Variants in SLC35F3 observed in about 807,000 individuals in gnomAD.
The protein encoded by SLC35F3 is putative thiamine transporter SLC35F3.
SLC35F3 carries 25 observed loss-of-function variants against 49.9 expected under a neutral mutation model. The ratio of observed to expected loss-of-function variants is 0.50; its 90% confidence interval spans 0.37 to 0.70. The LOEUF is 0.70. Among genes scored for constraint, SLC35F3 ranks in the 30% least tolerant of loss-of-function variants. The pLI, the probability that SLC35F3 is intolerant of heterozygous loss-of-function variation, is 0.00. For synonymous variants in SLC35F3, 275 were observed against 265.4 expected (o/e 1.04, Z -0.35); for missense variants, 525 against 639.8 (o/e 0.82, Z 1.94).
rs553368152 is a variant in SLC35F3, at chr1:234,083,674, A to T, written c.284-147743A>T. ...ATAAGCATTGGACTACTTCCTAGAA[A>T]TGTCTCACTCATGTAGATTTTGTTC... On this transcript the variant is annotated intron_variant, in intron 2 of 7. Coordinates refer to ENST00000366618, the MANE Select transcript of SLC35F3 (RefSeq NM_173508.4). Among the ~76,000 whole-genome samples the T allele has an allele frequency of 2.5e-4, 38 of 152,246 alleles. No homozygotes were observed. In the East Asian group the frequency reaches 6.8e-3, roughly 27 times the overall value.
chr1:233,976,185 T>A (rs1663077178), intron 2 of SLC35F3, among the ~76,000 whole-genome samples: 1 of 152,224 alleles, frequency 6.6e-6, no homozygotes, highest in African/African-American at 2.4e-5. Flanking sequence ...GTAGCCTGGC[T>A]CTTTATCATA....
At chr1:234,306,129 A>G (rs761341998) in intron 3 of SLC35F3, among the ~76,000 whole-genome samples, 14 of 152,218 alleles carry the variant, frequency 9.2e-5, no homozygotes, top group Non-Finnish European at 1.6e-4. Context: ...TACATGGGCC[A>G]GCCAGATCCT....
At chr1:234,122,887 G>T (rs1321810827) in intron 2 of SLC35F3, among the ~76,000 whole-genome samples, 1 of 152,164 alleles carries the variant, frequency 6.6e-6, no homozygotes. Context: ...ATTTGGGTTG[G>T]TTCCAAGCCT....
At chr1:234,183,353 A>G (rs1385527934) in intron 2 of SLC35F3, among the ~76,000 whole-genome samples, 1 of 143,388 alleles carries the variant, frequency 7.0e-6, no homozygotes, top group Non-Finnish European at 1.5e-5. Context: ...TTATTTTTAT[A>G]GAATCATCTT....
intron 2 of SLC35F3, among the ~76,000 whole-genome samples, chr1:234,012,522 A>G (rs910470356): frequency 6.6e-6 from 1 of 152,190 alleles, no homozygotes; most frequent in Non-Finnish European, 1.5e-5. Context: ...TCCGCAGTGC[A>G]TTGTGCCCCT....
chr1:234,248,074 G>A (rs557838219), intron 3 of SLC35F3, among the ~76,000 whole-genome samples: 24 of 152,212 alleles, frequency 1.6e-4, no homozygotes, highest in African/African-American at 5.5e-4. Flanking sequence ...TCAGTAGGTT[G>A]GTTGGCTGGT....
At chr1:234,139,433 C>T (rs938135316) in intron 2 of SLC35F3, among the ~76,000 whole-genome samples, 17 of 152,132 alleles carry the variant, frequency 1.1e-4, no homozygotes, top group Non-Finnish European at 1.5e-5. Flanking sequence ...ACACATTATA[C>T]TTTTTAAAAA....
At chr1:233,981,508 T>C (rs1663183312) in intron 2 of SLC35F3, among the ~76,000 whole-genome samples, 2 of 152,206 alleles carry the variant, frequency 1.3e-5, no homozygotes, top group South Asian at 4.1e-4. Flanking sequence ...TTTTTCTTGC[T>C]GAGCGGGATT....
In SLC35F3 at chr1:234,236,444, C is replaced by CA. The variant is rs898629043; in HGVS notation, c.608+4712dup. On this transcript the variant is annotated intron_variant, in intron 3 of 7. Transcript: ENST00000366618. ...AACAGCGTGAGACCCTGTCTCAAAA[C>CA]AAAAAAAAAGAAGTTAGCCAGAAAC... is the stretch of plus-strand genomic sequence containing the variant. Among the ~76,000 whole-genome samples, 70 of 149,450 alleles carry CA rather than the reference C, an allele frequency of 4.7e-4. 1 individual carries two copies. The highest frequency in any genetic ancestry group is 1.4e-3 in the African/African-American group (58 of 40,772).
At chr1:234,283,786 A>G (rs776553174) in intron 3 of SLC35F3, among the ~76,000 whole-genome samples, 3 of 152,254 alleles carry the variant, frequency 2.0e-5, no homozygotes, top group Non-Finnish European at 4.4e-5. Flanking sequence ...AAGACATTAC[A>G]GCATGAGAAT....
chr1:234,037,328 A>G (rs563516863), intron 2 of SLC35F3, among the ~76,000 whole-genome samples: 16 of 152,206 alleles, frequency 1.1e-4, no homozygotes, highest in Non-Finnish European at 2.4e-4. Flanking sequence ...TAATAAAGCA[A>G]AAACTACTCA....
At chr1:233,985,945 T>C (rs1249742102) in intron 2 of SLC35F3, among the ~76,000 whole-genome samples, 1 of 152,208 alleles carries the variant, frequency 6.6e-6, no homozygotes, top group African/African-American at 2.4e-5. Flanking sequence ...AGTTGAAGAT[T>C]GAAGGCTCTG....
At chr1:234,267,120 C>G (rs1347156260) in intron 3 of SLC35F3, among the ~76,000 whole-genome samples, 4 of 140,892 alleles carry the variant, frequency 2.8e-5, no homozygotes, top group African/African-American at 1.1e-4. Context: ...TTTAACAAAG[C>G]ACATCTTGCA....
At chr1:233,960,109 G>C (rs185928204) in intron 2 of SLC35F3, among the ~76,000 whole-genome samples, 7 of 152,228 alleles carry the variant, frequency 4.6e-5, no homozygotes, top group Non-Finnish European at 7.3e-5. Context: ...CGACCTGTCT[G>C]TCTAGGTGTG....
At chr1:234,109,293 G>A (rs922441864) in intron 2 of SLC35F3, among the ~76,000 whole-genome samples, 5 of 152,196 alleles carry the variant, frequency 3.3e-5, no homozygotes, top group African/African-American at 1.2e-4. Context: ...TTTAGAGAAA[G>A]GCTAGGAACA....
At chr1:234,098,396 TGGA>T (rs1393948675) in intron 2 of SLC35F3, among the ~76,000 whole-genome samples, 1 of 147,988 alleles carries the variant, frequency 6.8e-6, no homozygotes, top group Non-Finnish European at 1.5e-5. Flanking sequence ...AGGGTGATGA[TGGA>T]GGTGGTGATT....
At chr1:234,108,433 G>GATATATATAAAAGATATATATTATTT (rs1405975257) in intron 2 of SLC35F3, among the ~76,000 whole-genome samples, 1 of 72,782 alleles carries the variant, frequency 1.4e-5, no homozygotes, top group Non-Finnish European at 2.6e-5. Context: ...ATATATAAAA[G>GATATATATAAAAGATATATATTATTT]ATATATATAA....
intron 2 of SLC35F3, among the ~76,000 whole-genome samples, chr1:234,219,791 C>T (rs1172793431): frequency 2.0e-5 from 3 of 152,108 alleles, no homozygotes; most frequent in Non-Finnish European, 4.4e-5. Flanking sequence ...CAGGTGACGG[C>T]CTAAACATTT....
intron 2 of SLC35F3, among the ~76,000 whole-genome samples, chr1:234,064,217 T>C (rs964731459): frequency 9.2e-5 from 14 of 152,204 alleles, no homozygotes; most frequent in African/African-American, 3.4e-4. Flanking sequence ...GGACTGTGTG[T>C]TTCCCTTGAA....
Sources: allele counts gnomAD v4.1 joint callset (sites outside exome capture counted in the v4.1 genomes callset), GRCh38; gene constraint gnomAD v4.1.1; transcripts MANE v1.5; gene names NCBI Gene and HGNC (gene_info 2026-07-23, HGNC 2026-07-21).